Variants in PELP1 observed in about 807,000 individuals in gnomAD.
The protein encoded by PELP1 is proline-, glutamic acid- and leucine-rich protein 1.
A neutral mutation model predicts 95.5 loss-of-function variants in PELP1; 32 were observed. That is an observed-to-expected ratio of 0.34 (90% CI 0.25 to 0.45). PELP1 has a LOEUF of 0.45. Ranked by LOEUF, PELP1 falls within the 20% of genes least tolerant of loss-of-function variation. The pLI is 1.00. For synonymous variants in PELP1, 668 were observed against 600.1 expected, an observed-to-expected ratio of 1.11 and a Z score of -1.65; for missense variants, 1,358 against 1,444.8, an observed-to-expected ratio of 0.94 and a Z score of 0.97.
chr17:4,693,316 AT>A (rs776674594), intron 1 of PELP1, among the ~76,000 whole-genome samples: 5 of 152,232 alleles, frequency 3.3e-5, no homozygotes, highest in Admixed American at 6.5e-5. Flanking sequence ...AACAGATCAA[AT>A]ATAGTGCAGC....
chr17:4,690,558 C>A (rs1372299507), intron 3 of PELP1, among the ~76,000 whole-genome samples: 1 of 152,026 alleles, frequency 6.6e-6, no homozygotes, highest in Non-Finnish European at 1.5e-5. Context: ...CTCGTCTCTA[C>A]TAAAAATACA....
At chr17:4,683,965 G>A (rs909535705) in intron 3 of PELP1, among the ~76,000 whole-genome samples, 1 of 149,948 alleles carries the variant, frequency 6.7e-6, no homozygotes, top group Admixed American at 6.7e-5. Context: ...TTCCCTGCTA[G>A]AAAGGGAGAA....
rs1197682818 is a variant in PELP1 at position 4,671,442 on chromosome 17, G to A, written c.3390C>T (p.Ser1130=). Residue 1130 remains serine (S), a synonymous_variant, in exon 17 of 17, where the codon TCC becomes TCT. Coordinates refer to ENST00000572293, the MANE Select transcript of PELP1 (RefSeq NM_014389.3). The stretch of plus-strand genomic sequence containing the variant: ...AAGAGTGGGGTGCAGAAGATGGCTA[G>A]GAGTCAGGCTCTGTGGGAGGTGGTG... ...EKPPPPTEPD[S] 1 of 1,424,670 alleles carries A rather than the reference G, an allele frequency of 7.0e-7. No homozygotes were observed. The allele number at this position is 1,424,670 out of a possible 1,614,324, so 88.3% of individuals were successfully genotyped here.
chr17:4,676,323 T>A (rs891950242), intron 7 of PELP1, 34 bp downstream of exon 7: 1 of 1,606,178 alleles, frequency 6.2e-7, no homozygotes, highest in Non-Finnish European at 8.5e-7. Context: ...GCTTCCTCAC[T>A]ATTGTTCCAC....
chr17:4,676,188 C>T (rs904536562), intron 7 of PELP1, 26 bp from the exon 8 acceptor site: 1 of 1,611,266 alleles, frequency 6.2e-7, no homozygotes, highest in South Asian at 1.1e-5. Flanking sequence ...CTACCCTGTA[C>T]ACTGTCTTTC....
At position 4,675,228 on chromosome 17, in the gene PELP1, C is replaced by A; in HGVS notation, c.1158-33G>T. 1.2e-6 allele frequency: 2 copies of A among 1,603,238 alleles called. No homozygotes were observed. Among genetic ancestry groups the A allele is most frequent in the Non-Finnish European group, 1.7e-6 (2 of 1,175,042 alleles). On this transcript the variant is annotated intron_variant, in intron 10 of 16. Transcript: ENST00000572293. This position sits in a 1 kb window ranked among gnomAD's most constrained non-coding sequence, Gnocchi z 4.3. ...AGAGAAGGAATGGTGACCCTCGTTT[C>A]TGGCACGCCCTATCCCTTCACCACA...
Position 4,674,508 on chromosome 17 carries a change from A to C in PELP1, c.1582+2T>G. ...GTGGTCCAGGGCACAGGCCTCACCC[A>C]CCTCTGAGTGCAGCCGCACACACGT... On this transcript the variant is annotated splice_donor_variant, in intron 13 of 16. Transcript: ENST00000572293. LOFTEE classifies it high-confidence loss of function. 1 of 1,611,396 alleles carries C rather than the reference A, an allele frequency of 6.2e-7. No homozygotes were observed. The highest frequency in any genetic ancestry group is 8.5e-7 in the Non-Finnish European group (1 of 1,179,034).
At chr17:4,688,608 TA>T (rs1414578325) in intron 3 of PELP1, among the ~76,000 whole-genome samples, 8 of 151,956 alleles carry the variant, frequency 5.3e-5, no homozygotes, top group Non-Finnish European at 8.8e-5. Flanking sequence ...CTGCAAAAAA[TA>T]AAATAAAATA....
At chr17:4,687,641 T>C (rs1213518288) in intron 3 of PELP1, among the ~76,000 whole-genome samples, 1 of 151,852 alleles carries the variant, frequency 6.6e-6, no homozygotes, top group Non-Finnish European at 1.5e-5. Flanking sequence ...CAATATACAA[T>C]AGAAACTATA....
chr17:4,679,414 A>C (rs1912614347), intron 5 of PELP1, among the ~76,000 whole-genome samples: 1 of 152,146 alleles, frequency 6.6e-6, no homozygotes, highest in African/African-American at 2.4e-5. Flanking sequence ...CTGACTACTC[A>C]CACTGAAAAT....
chr17:4,688,632 C>A (rs931097727), intron 3 of PELP1, among the ~76,000 whole-genome samples: 2 of 152,224 alleles, frequency 1.3e-5, no homozygotes, highest in Non-Finnish European at 2.9e-5. Context: ...TAGGAATACA[C>A]CTAACCAAGG....
intron 5 of PELP1, among the ~76,000 whole-genome samples, chr17:4,680,946 C>G (rs1319627392): frequency 6.6e-6 from 1 of 152,184 alleles, no homozygotes; most frequent in East Asian, 1.9e-4. Context: ...CTAAAAACAA[C>G]ACTGTAATTC....
At chr17:4,682,690 C>G (rs1912734474) in intron 4 of PELP1, 113 bp downstream of exon 4, 1 of 1,446,972 alleles carries the variant, frequency 6.9e-7, no homozygotes, top group African/African-American at 1.4e-5. Context: ...TGGCCCCTCC[C>G]TCTTCTCACT....
At chr17:4,691,041 C>G (rs1913078522) in intron 2 of PELP1, 48 bp from the exon 3 acceptor site, 1 of 1,327,476 alleles carries the variant, frequency 7.5e-7, no homozygotes, top group African/African-American at 1.4e-5. Context: ...GGCTAGACTT[C>G]AGAGAAAGTG....
chr17:4,697,652 C>G (rs761565547), intron 1 of PELP1, among the ~76,000 whole-genome samples: 2 of 152,032 alleles, frequency 1.3e-5, no homozygotes, highest in African/African-American at 2.4e-5. Context: ...CCAAATTGAC[C>G]TTTGAACTTA....
chr17:4,676,530 C>T, intron 6 of PELP1, 23 bp from the exon 7 acceptor site: 1 of 1,612,556 alleles, frequency 6.2e-7, no homozygotes, highest in Non-Finnish European at 8.5e-7. Context: ...GGACAGAAAC[C>T]TGGTCAGATG....
In PELP1 at chr17:4,675,243, C is replaced by T. The variant is rs1912412134; in HGVS notation, c.1157+31G>A. The T allele has an allele frequency of 1.3e-6, 2 of 1,595,996 alleles. No homozygotes were observed. The highest frequency in any genetic ancestry group is 1.1e-5 in the South Asian group (1 of 88,436). On this transcript the variant is annotated intron_variant, in intron 10 of 16. Transcript: ENST00000572293. This position sits in a 1 kb window ranked among gnomAD's most constrained non-coding sequence, Gnocchi z 4.3. ...ACCCTCGTTTCTGGCACGCCCTATC[C>T]CTTCACCACAGCCAGCCCAATCCCA... is the stretch of plus-strand genomic sequence containing the variant.
chr17:4,673,739 G>A lies in PELP1; in HGVS notation c.1583-65C>T. 2 of 1,395,266 alleles carry A rather than the reference G, an allele frequency of 1.4e-6. No individual in the cohort carries two copies. Among genetic ancestry groups the A allele is most frequent in the Non-Finnish European group, 2.0e-6 (2 of 980,560 alleles). 86.4% of individuals were successfully genotyped at this position (1,395,266 alleles called of 1,614,324 possible). ...CAGACTGACGGCAAGGGCTTCTGAA[G>A]CATACAGCCCAAAATGGGCATCAAC... is the stretch of plus-strand genomic sequence containing the variant. On this transcript the variant is annotated intron_variant, in intron 13 of 16. Coordinates refer to ENST00000572293, the MANE Select transcript of PELP1 (RefSeq NM_014389.3). The surrounding 1 kb of genome is among the most constrained non-coding windows in gnomAD (Gnocchi z 5.7).
In PELP1 at chr17:4,673,875, T is replaced by C. The variant is rs1912343554; in HGVS notation, c.1583-201A>G. ...CTGACGGTATTTAATTGAGACAATG[T>C]AAGTAAAAAATTATAAATTTTATAA... On this transcript the variant is annotated intron_variant, in intron 13 of 16. Coordinates refer to ENST00000572293, the MANE Select transcript of PELP1 (RefSeq NM_014389.3). The surrounding 1 kb of genome is among the most constrained non-coding windows in gnomAD (Gnocchi z 5.7). 8.9e-6 allele frequency: 5 copies of C among 559,494 alleles called. No homozygotes were observed. The East Asian group carries it at 1.4e-4, about 16-fold the overall frequency. 34.7% of individuals were successfully genotyped at this position (559,494 alleles called of 1,614,324 possible).
Sources: gnomAD v4.1 joint callset for allele counts (sites outside exome capture counted in the v4.1 genomes callset) on GRCh38, gnomAD v4.1.1 for gene constraint, Gnocchi (gnomAD v3.1) non-coding constraint, MANE v1.5 for transcripts, NCBI Gene and HGNC (gene_info 2026-07-23, HGNC 2026-07-21) for gene names.